Variants in RARB observed in about 807,000 individuals in gnomAD.
RARB encodes the protein HBV-activated protein.
In RARB, 17 loss-of-function variants were observed where a neutral mutation model predicts 51.9. The ratio of observed to expected loss-of-function variants is 0.33; its 90% CI spans 0.22 to 0.49. RARB has a LOEUF of 0.49. RARB is among the 20% of genes least tolerant of loss of function. RARB has a pLI of 0.99. For synonymous variants in RARB, 215 were observed against 195.4 expected (o/e 1.10, Z -0.84); for missense variants, 369 against 550.8 (o/e 0.67, Z 3.30).
At chr3:25,570,004 A>G in intron 4 of RARB, 86 bp downstream of exon 4, 1 of 1,420,198 alleles carries the variant, frequency 7.0e-7, no homozygotes, top group South Asian at 1.4e-5. Flanking sequence ...ACACACACAC[A>G]CACACACACA....
Position 25,104,146 on chromosome 3 carries a change from C to T in RARB, c.-327-28015C>T, listed in dbSNP as rs534766447. Among the ~76,000 whole-genome samples, 107 of 152,188 alleles carry T rather than the reference C, an allele frequency of 7.0e-4. No homozygotes were observed. The South Asian group carries it at 8.5e-3, about 12-fold the overall frequency. Reference sequence around the variant, plus strand: ...CTCTGTTCAATATCATCAGTCAGCACGGAAATGCAAATTAAAACCACAATG... The same window carrying T: ...CTCTGTTCAATATCATCAGTCAGCATGGAAATGCAAATTAAAACCACAATG... On this transcript the variant is annotated intron_variant, in intron 3 of 11. Coordinates refer to the RARB transcript ENST00000383772.
chr3:25,077,883 T>C (rs1288833019), intron 3 of RARB, among the ~76,000 whole-genome samples: 1 of 152,226 alleles, frequency 6.6e-6, no homozygotes, highest in Non-Finnish European at 1.5e-5. Flanking sequence ...TGTAGCCATG[T>C]TTTTGGTATA....
intron 3 of RARB, among the ~76,000 whole-genome samples, chr3:25,071,299 T>A (rs934437775): frequency 1.3e-5 from 2 of 152,190 alleles, no homozygotes; most frequent in African/African-American, 2.4e-5. Context: ...GCTAGCTGAT[T>A]TTGATAATCA....
chr3:25,537,540 G>T (rs137996674), intron 3 of RARB, among the ~76,000 whole-genome samples: 2 of 152,146 alleles, frequency 1.3e-5, no homozygotes, highest in Admixed American at 1.3e-4. Flanking sequence ...CTCTTGTGGG[G>T]CTGTTTTACT....
At chr3:25,050,753 C>G (rs371551091) in intron 2 of RARB, among the ~76,000 whole-genome samples, 39 of 152,164 alleles carry the variant, frequency 2.6e-4, no homozygotes, top group African/African-American at 8.9e-4. Context: ...TCTTCCTCCC[C>G]CATTCTCCAA....
chr3:25,094,912 T>C (rs1445417638), intron 3 of RARB, among the ~76,000 whole-genome samples: 2 of 151,988 alleles, frequency 1.3e-5, no homozygotes, highest in Admixed American at 1.3e-4. Context: ...CCATTTCACT[T>C]TCGTTTGATG....
chr3:24,848,253 T>A lies in RARB; in HGVS notation c.-458-10421T>A, dbSNP rs190572258. Among the ~76,000 whole-genome samples the A allele has an allele frequency of 1.5e-3, 227 of 152,044 alleles. 1 individual carries two copies. Among genetic ancestry groups the A allele is most frequent in the African/African-American group, 5.0e-3 (207 of 41,434 alleles). ...TTTTGTATTTTTGGTAGAGACAGGGTTTTTGCCATGTTGCCCAGACTAGTC... is the reference window on the plus strand; with the variant it reads ...TTTTGTATTTTTGGTAGAGACAGGGATTTTGCCATGTTGCCCAGACTAGTC... On this transcript the variant is annotated intron_variant, in intron 1 of 11. Transcript: ENST00000383772.
intron 5 of RARB, among the ~76,000 whole-genome samples, chr3:25,214,757 A>G (rs1190247118): frequency 1.3e-5 from 2 of 152,194 alleles, no homozygotes; most frequent in African/African-American, 4.8e-5. Flanking sequence ...ATTGCTTCCC[A>G]TCTTTGAGAT....
intron 3 of RARB, among the ~76,000 whole-genome samples, chr3:25,068,639 G>A (rs1698710767): frequency 6.6e-6 from 1 of 151,992 alleles, no homozygotes; most frequent in Admixed American, 6.6e-5. Context: ...TAATCCTTAG[G>A]TACCCATTAA....
intron 2 of RARB, among the ~76,000 whole-genome samples, chr3:25,046,439 G>C (rs1005815189): frequency 1.3e-5 from 2 of 151,956 alleles, no homozygotes; most frequent in Non-Finnish European, 2.9e-5. Flanking sequence ...GCTTCTATTG[G>C]GGTATAAAAA....
chr3:25,269,699 C>G (rs1212562989), intron 5 of RARB, among the ~76,000 whole-genome samples: 1 of 152,118 alleles, frequency 6.6e-6, no homozygotes, highest in African/African-American at 2.4e-5. Context: ...CACTTAACAG[C>G]TAATTTTAAG....
chr3:25,044,675 T>G (rs898695093), intron 2 of RARB, among the ~76,000 whole-genome samples: 1 of 152,198 alleles, frequency 6.6e-6, no homozygotes, highest in Non-Finnish European at 1.5e-5. Context: ...AAATACTGTC[T>G]GGAAAATGGA....
Position 25,476,653 on chromosome 3 carries a change from C to T in RARB, c.306+15312C>T, listed in dbSNP as rs150483798. Among the ~76,000 whole-genome samples, 91 of 152,294 alleles carry T rather than the reference C, an allele frequency of 6.0e-4. 1 individual carries two copies. The highest frequency in any genetic ancestry group is 1.7e-3 in the African/African-American group (70 of 41,560). ...TCCCCAAGCAGTTAAAGGGCACCTG[C>T]TATCCTTGTCTTTATGTGAGAGACC... On this transcript the variant is annotated intron_variant, in intron 2 of 7. Coordinates refer to ENST00000330688, the MANE Select transcript of RARB (RefSeq NM_000965.5).
intron 5 of RARB, among the ~76,000 whole-genome samples, chr3:25,356,766 T>C (rs540244783): frequency 1.3e-5 from 2 of 152,248 alleles, no homozygotes; most frequent in Admixed American, 1.3e-4. Flanking sequence ...TATGCGGTGT[T>C]TGGTTTTCTG....
intron 4 of RARB, among the ~76,000 whole-genome samples, chr3:25,580,321 C>T (rs1391802205): frequency 6.6e-6 from 1 of 152,218 alleles, no homozygotes; most frequent in Non-Finnish European, 1.5e-5. Context: ...TTGCAGTGAG[C>T]TGAGATCGTG....
At chr3:25,480,265 T>A (rs1696160667) in intron 2 of RARB, among the ~76,000 whole-genome samples, 1 of 152,196 alleles carries the variant, frequency 6.6e-6, no homozygotes. Flanking sequence ...ACACAGTGCT[T>A]CTTTAGTGCC....
At position 25,044,694 on chromosome 3, in the gene RARB, A is replaced by C. The variant is rs1217351848; in HGVS notation, c.-379-15431A>C. On this transcript the variant is annotated intron_variant, in intron 2 of 11. Coordinates refer to the RARB transcript ENST00000383772. Reference sequence around the variant, plus strand: ...ACTGTCTGGAAAATGGAAGATATTCAACTTTTTGTAGATGGAATGAATAGT... The same window carrying C: ...ACTGTCTGGAAAATGGAAGATATTCCACTTTTTGTAGATGGAATGAATAGT... Among the ~76,000 whole-genome samples the C allele has an allele frequency of 2.0e-5, 3 of 152,364 alleles. No individual in the cohort carries two copies. In the South Asian group the frequency reaches 6.2e-4, roughly 32 times the overall value.
At chr3:25,446,659 C>T (rs987667485) in intron 1 of RARB, among the ~76,000 whole-genome samples, 5 of 151,670 alleles carry the variant, frequency 3.3e-5, no homozygotes, top group Admixed American at 1.3e-4. Context: ...AAAAATTAGC[C>T]GGGCGTGGTG....
chr3:25,088,895 A>G (rs1191079932), intron 3 of RARB, among the ~76,000 whole-genome samples: 2 of 152,104 alleles, frequency 1.3e-5, no homozygotes, highest in Admixed American at 6.6e-5. Context: ...TAATGAAAAA[A>G]GAAGGAAAAT....
Sources: gnomAD v4.1 joint callset for allele counts (sites outside exome capture counted in the v4.1 genomes callset) on GRCh38, gnomAD v4.1.1 for gene constraint, MANE v1.5 for transcripts, NCBI Gene and HGNC (gene_info 2026-07-23, HGNC 2026-07-21) for gene names.